RNLS: variants seen among roughly 807,000 people sequenced by gnomAD.
The protein encoded by RNLS is renalase, FAD dependent amine oxidase.
A neutral mutation model predicts 39.8 loss-of-function variants in RNLS; 39 were observed. That is an observed-to-expected ratio of 0.98 (90% confidence interval 0.76 to 1.28). The LOEUF is 1.28. Ranked by LOEUF, RNLS falls within the 50% of genes most tolerant of loss-of-function variation. The pLI, the probability that RNLS is intolerant of heterozygous loss-of-function variation, is 0.00. For missense variants in RNLS, 410 were observed against 413.3 expected, an observed-to-expected ratio of 0.99 and a Z score of 0.07; for synonymous variants, 147 against 150.7, an observed-to-expected ratio of 0.98 and a Z score of 0.18.
chr10:88,344,022 A>AT (rs1168883847), intron 5 of RNLS, among the ~76,000 whole-genome samples: 1 of 152,032 alleles, frequency 6.6e-6, no homozygotes, highest in Non-Finnish European at 1.5e-5. Context: ...ACCCCTTATT[A>AT]TACATTGTTA....
At chr10:88,560,852 C>A (rs1849138868) in intron 4 of RNLS, among the ~76,000 whole-genome samples, 1 of 151,892 alleles carries the variant, frequency 6.6e-6, no homozygotes, top group East Asian at 1.9e-4. Flanking sequence ...CAGGCAAGAG[C>A]AGCCAATTGC....
At chr10:88,478,826 A>G (rs974351220) in intron 4 of RNLS, among the ~76,000 whole-genome samples, 3 of 151,830 alleles carry the variant, frequency 2.0e-5, no homozygotes, top group African/African-American at 7.3e-5. Flanking sequence ...CATAGCCTTA[A>G]CTAATTTACC....
At chr10:88,500,501 T>C (rs1845414365) in intron 4 of RNLS, among the ~76,000 whole-genome samples, 1 of 152,176 alleles carries the variant, frequency 6.6e-6, no homozygotes. Flanking sequence ...TCTAATTGCC[T>C]GGATTTTTTA....
At chr10:88,522,915 C>T (rs1433943965) in intron 4 of RNLS, among the ~76,000 whole-genome samples, 1 of 152,108 alleles carries the variant, frequency 6.6e-6, no homozygotes. Context: ...AGTGCAAATG[C>T]ACCACTGGTT....
chr10:88,484,814 CAG>C (rs750593376), intron 4 of RNLS, among the ~76,000 whole-genome samples: 6 of 151,592 alleles, frequency 4.0e-5, no homozygotes, highest in Non-Finnish European at 8.9e-5. Flanking sequence ...GACTGCCAGA[CAG>C]AGAAAAAAAA....
intron 4 of RNLS, among the ~76,000 whole-genome samples, chr10:88,556,649 G>C (rs1848891626): frequency 6.6e-6 from 1 of 151,994 alleles, no homozygotes; most frequent in African/African-American, 2.4e-5. Flanking sequence ...AGCCACACTG[G>C]CTGCCTTATA....
chr10:88,244,691 CTTT>C, the RNLS span, among the ~76,000 whole-genome samples: 1 of 126,432 alleles, frequency 7.9e-6, no homozygotes, highest in Non-Finnish European at 1.8e-5. Flanking sequence ...GGTTTTCATG[CTTT>C]TTTTTTTTTC....
At chr10:88,187,442 CCT>C in the RNLS span, among the ~76,000 whole-genome samples, 2 of 151,802 alleles carry the variant, frequency 1.3e-5, no homozygotes, top group African/African-American at 4.8e-5. Flanking sequence ...GACATTTGCC[CCT>C]CATAGAATAT....
At chr10:88,552,416 T>C (rs746528428) in intron 4 of RNLS, among the ~76,000 whole-genome samples, 27 of 152,116 alleles carry the variant, frequency 1.8e-4, no homozygotes, top group Non-Finnish European at 5.9e-5. Flanking sequence ...AGGAACACAG[T>C]GAGTGCTGAA....
rs1276089635 is a variant in RNLS at position 88,512,317 on chromosome 10, T to C, written c.526+60586A>G. On this transcript the variant is annotated intron_variant, in intron 4 of 6. Transcript: ENST00000331772. Reference sequence around the variant, plus strand: ...TGGACACAATTCTTTCTAAAGTAAATTATCTCTGTGTAGTTCTATTTGGTA... The same window carrying C: ...TGGACACAATTCTTTCTAAAGTAAACTATCTCTGTGTAGTTCTATTTGGTA... Among the ~76,000 whole-genome samples the C allele has an allele frequency of 3.9e-5, 6 of 152,282 alleles. No individual in the cohort carries two copies. The Middle Eastern group carries it at 0.01, about 259-fold the overall frequency.
At chr10:88,449,807 A>C (rs1305767953) in intron 4 of RNLS, among the ~76,000 whole-genome samples, 1 of 152,154 alleles carries the variant, frequency 6.6e-6, no homozygotes, top group Non-Finnish European at 1.5e-5. Flanking sequence ...AAAATAAAAT[A>C]TATTGTTCCT....
intron 4 of RNLS, among the ~76,000 whole-genome samples, chr10:88,526,241 T>C (rs994541409): frequency 2.0e-5 from 3 of 151,320 alleles, no homozygotes; most frequent in African/African-American, 7.3e-5. Flanking sequence ...AGCAAATCTT[T>C]AACACATTTA....
chr10:88,492,599 T>C lies in RNLS; in HGVS notation c.526+80304A>G, dbSNP rs368138927. 1.1e-4 allele frequency among the ~76,000 whole-genome samples: 16 copies of C among 151,996 alleles called. No homozygotes were observed. In the East Asian group the frequency reaches 1.4e-3, roughly 13 times the overall value. The stretch of plus-strand genomic sequence containing the variant: ...ATGCCTGGCTAATTTTTGTATTTTC[T>C]GTAGAGACGGAGATTCTCTCTGTTG... On this transcript the variant is annotated intron_variant, in intron 4 of 6. Coordinates refer to ENST00000331772, the MANE Select transcript of RNLS (RefSeq NM_001031709.3).
At chr10:88,515,959 G>A (rs1429026640) in intron 4 of RNLS, among the ~76,000 whole-genome samples, 1 of 151,950 alleles carries the variant, frequency 6.6e-6, no homozygotes, top group Non-Finnish European at 1.5e-5. Flanking sequence ...AATTTGACTG[G>A]TGTCCTTAAG....
chr10:88,271,889 ACT>A (rs1842659326), downstream of RNLS, among the ~76,000 whole-genome samples: 1 of 152,176 alleles, frequency 6.6e-6, no homozygotes, highest in Admixed American at 6.5e-5. Flanking sequence ...TGCGGCTCTA[ACT>A]CTGCCACGAA....
At chr10:88,371,414 G>A (rs1850549685) in intron 4 of RNLS, among the ~76,000 whole-genome samples, 2 of 152,134 alleles carry the variant, frequency 1.3e-5, no homozygotes, top group South Asian at 2.1e-4. Flanking sequence ...TAAACTGCAC[G>A]GCTACACTTC....
chr10:88,458,610 A>G (rs910300699), intron 4 of RNLS, among the ~76,000 whole-genome samples: 3 of 152,058 alleles, frequency 2.0e-5, no homozygotes, highest in African/African-American at 7.2e-5. Flanking sequence ...TTCTTTTTCT[A>G]TATAGAGGTA....
At chr10:88,398,767 A>AG (rs1564767409) in intron 4 of RNLS, among the ~76,000 whole-genome samples, 2 of 151,946 alleles carry the variant, frequency 1.3e-5, no homozygotes, top group South Asian at 4.1e-4. Flanking sequence ...AAACAACCAA[A>AG]GGGGGGCAAA....
In RNLS at chr10:88,277,037, T is replaced by C. The variant is rs566465540; in HGVS notation, c.877-2005A>G. On this transcript the variant is annotated intron_variant, in intron 6 of 6. Transcript: ENST00000371947. ...AAGACACATGCACACGTATGTTTAC[T>C]GTGGCACTATTCACAATAGCAAAGA... is the stretch of plus-strand genomic sequence containing the variant. Among the ~76,000 whole-genome samples, 4 of 152,328 alleles carry C rather than the reference T, an allele frequency of 2.6e-5. No homozygotes were observed. The South Asian group carries it at 8.3e-4, about 32-fold the overall frequency.
Sources: gnomAD v4.1 joint callset for allele counts (sites outside exome capture counted in the v4.1 genomes callset) on GRCh38, gnomAD v4.1.1 for gene constraint, MANE v1.5 for transcripts, NCBI Gene and HGNC (gene_info 2026-07-23, HGNC 2026-07-21) for gene names.